The following ALKBH8 variants were observed in gnomAD, a reference collection of about 807,000 sequenced individuals.
ALKBH8 encodes alkB homolog 8, tRNA methyltransferase, also known as tRNA (carboxymethyluridine(34)-5-O)-methyltransferase ALKBH8.
Under a neutral mutation model 59.8 loss-of-function variants are expected in ALKBH8, and 36 were observed. That is an observed-to-expected ratio of 0.60 (90% CI 0.46 to 0.79). The LOEUF (loss-of-function observed/expected upper bound fraction) is 0.79. Among genes scored for constraint, ALKBH8 ranks in the 30% least tolerant of loss-of-function variants. The pLI, the probability that ALKBH8 is intolerant of heterozygous loss-of-function variation, is 0.00. For missense variants in ALKBH8, 768 were observed against 801.0 expected (o/e 0.96, Z 0.50); for synonymous variants, 276 against 273.6 (o/e 1.01, Z -0.09).
chr11:107,517,638 G>A (rs940464113), intron 10 of ALKBH8, among the ~76,000 whole-genome samples: 1 of 152,160 alleles, frequency 6.6e-6, no homozygotes, highest in African/African-American at 2.4e-5. Flanking sequence ...GAGGACATTA[G>A]GTTAAGTGAA....
intron 5 of ALKBH8, 99 bp downstream of exon 5, chr11:107,553,009 C>T: frequency 1.4e-6 from 1 of 706,992 alleles, no homozygotes; most frequent in South Asian, 2.6e-5. Flanking sequence ...GAAAGTTTAT[C>T]TACAAATGAC....
chr11:107,559,515 T>TC (rs1406614655), intron 2 of ALKBH8, among the ~76,000 whole-genome samples: 1 of 152,114 alleles, frequency 6.6e-6, no homozygotes, highest in Non-Finnish European at 1.5e-5. Context: ...ATTTTTTTTT[T>TC]CTTGCTACTT....
At chr11:107,538,229 A>T (rs954076689) in intron 7 of ALKBH8, among the ~76,000 whole-genome samples, 11 of 151,704 alleles carry the variant, frequency 7.3e-5, no homozygotes, top group South Asian at 6.2e-4. Flanking sequence ...ATATTTTTTT[A>T]AATTTAGATA....
chr11:107,530,492 A>G (rs1272266613), intron 8 of ALKBH8, among the ~76,000 whole-genome samples: 3 of 151,812 alleles, frequency 2.0e-5, no homozygotes, highest in Non-Finnish European at 4.4e-5. Context: ...AAACATCTCA[A>G]TGATTGGTGT....
At chr11:107,551,257 C>T (rs987745921) in intron 6 of ALKBH8, among the ~76,000 whole-genome samples, 1 of 152,180 alleles carries the variant, frequency 6.6e-6, no homozygotes, top group African/African-American at 2.4e-5. Context: ...AAAAAAATCA[C>T]AAACAGTGAT....
intron 7 of ALKBH8, among the ~76,000 whole-genome samples, chr11:107,536,510 T>C (rs960180938): frequency 5.3e-5 from 8 of 152,148 alleles, no homozygotes; most frequent in East Asian, 1.9e-4. Flanking sequence ...CTTATTGTGA[T>C]ATAATAGCAT....
Position 107,532,289 on chromosome 11 carries a change from T to A in ALKBH8, c.878+11A>T. 6.2e-7 allele frequency: 1 copy of A among 1,605,282 alleles called. No individual in the cohort carries two copies. Among genetic ancestry groups the A allele is most frequent in the Non-Finnish European group, 8.5e-7 (1 of 1,173,864 alleles). On this transcript the variant is annotated intron_variant, in intron 8 of 11. Transcript: ENST00000428149. ...TAAAGAAAAAGAATCCTGTCATATT[T>A]CAATACATACCCATGGGTCCAAAGG...
chr11:107,546,448 G>T (rs1037451932), intron 7 of ALKBH8, among the ~76,000 whole-genome samples: 1 of 152,126 alleles, frequency 6.6e-6, no homozygotes, highest in African/African-American at 2.4e-5. Flanking sequence ...GACTTCACAG[G>T]TATATGTTAT....
intron 7 of ALKBH8, among the ~76,000 whole-genome samples, chr11:107,537,162 G>A (rs1428485469): frequency 6.6e-6 from 1 of 152,196 alleles, no homozygotes; most frequent in Non-Finnish European, 1.5e-5. Flanking sequence ...ATCAAGAAGT[G>A]AAACAAAAAT....
chr11:107,549,728 A>AT, intron 7 of ALKBH8, 25 bp downstream of exon 7: 2 of 1,476,016 alleles, frequency 1.4e-6, no homozygotes, highest in Non-Finnish European at 9.3e-7. Context: ...ATATATGATG[A>AT]TAGCTAATAA....
chr11:107,517,270 G>A (rs566671346), intron 10 of ALKBH8, among the ~76,000 whole-genome samples: 94 of 152,212 alleles, frequency 6.2e-4, no homozygotes, highest in African/African-American at 2.0e-3. Flanking sequence ...GATAACAAAC[G>A]GCGTTGAGGA....
rs1349790161 is a variant in ALKBH8, at chr11:107,503,274, G to A, written c.*1384C>T. The A allele has an allele frequency of 6.6e-6, 1 of 152,110 alleles. No individual in the cohort carries two copies. Among genetic ancestry groups the A allele is most frequent in the East Asian group, 1.9e-4 (1 of 5,196 alleles). The allele number at this position is 152,110 out of a possible 1,614,324, so 9.4% of individuals were successfully genotyped here. ...CCCAGAGGGACCAGTACACCAGGAT[G>A]TTGGACTGAAATTCCATGAAAAAAA... is the stretch of plus-strand genomic sequence containing the variant. On this transcript the variant is annotated 3_prime_UTR_variant, in exon 12 of 12. Transcript: ENST00000428149.
chr11:107,557,031 G>GA (rs1442090688), intron 2 of ALKBH8, 28 bp from the exon 3 acceptor site: 2 of 1,464,210 alleles, frequency 1.4e-6, no homozygotes, highest in South Asian at 3.0e-5. Context: ...CAAACAAAAA[G>GA]AAAGTAACAT....
At chr11:107,520,838 C>T (rs1047349394) in intron 10 of ALKBH8, among the ~76,000 whole-genome samples, 1 of 152,052 alleles carries the variant, frequency 6.6e-6, no homozygotes, top group Non-Finnish European at 1.5e-5. Flanking sequence ...ACCAGCCCTC[C>T]GAATCTATGA....
At chr11:107,534,893 T>C (rs1422880377) in intron 7 of ALKBH8, among the ~76,000 whole-genome samples, 1 of 152,112 alleles carries the variant, frequency 6.6e-6, no homozygotes, top group African/African-American at 2.4e-5. Flanking sequence ...TGTGTAGTCC[T>C]TTACCCCTCA....
At chr11:107,562,384 C>T (rs1864973142) in intron 1 of ALKBH8, among the ~76,000 whole-genome samples, 1 of 150,594 alleles carries the variant, frequency 6.6e-6, no homozygotes, top group African/African-American at 2.4e-5. Context: ...GATAAGAACA[C>T]TATAGAATCA....
intron 10 of ALKBH8, among the ~76,000 whole-genome samples, chr11:107,520,862 G>A (rs570596212): frequency 1.2e-3 from 180 of 151,992 alleles, no homozygotes; most frequent in African/African-American, 4.1e-3. Context: ...GCACATCCAG[G>A]GATTCAAGCA....
intron 10 of ALKBH8, among the ~76,000 whole-genome samples, chr11:107,513,782 T>C (rs142836509): frequency 6.6e-6 from 1 of 152,314 alleles, no homozygotes; most frequent in Non-Finnish European, 1.5e-5. Flanking sequence ...AGCAAACTGA[T>C]GCAGGTGCCG....
chr11:107,544,841 A>ACACACC (rs1185106940), intron 7 of ALKBH8, among the ~76,000 whole-genome samples: 2 of 151,740 alleles, frequency 1.3e-5, no homozygotes, highest in African/African-American at 2.4e-5. Flanking sequence ...ACACACACAC[A>ACACACC]CACACACACA....
Sources: gnomAD v4.1 joint callset for allele counts (sites outside exome capture counted in the v4.1 genomes callset) on GRCh38, gnomAD v4.1.1 for gene constraint, MANE v1.5 for transcripts, NCBI Gene and HGNC (gene_info 2026-07-23, HGNC 2026-07-21) for gene names.